The following ANTXR1 variants were observed in gnomAD, a reference collection of about 807,000 sequenced individuals.
The protein encoded by ANTXR1 is ANTXR cell adhesion molecule 1, also known as anthrax toxin receptor 1.
A neutral mutation model predicts 78.1 loss-of-function variants in ANTXR1; 19 were observed. The ratio of observed to expected loss-of-function variants is 0.24; its 90% CI spans 0.17 to 0.36. The LOEUF is 0.36. Ranked by LOEUF, ANTXR1 falls within the 10% of genes least tolerant of loss-of-function variation. The pLI, the probability that ANTXR1 is intolerant of heterozygous loss-of-function variation, is 1.00. For missense variants in ANTXR1, 518 were observed against 718.6 expected (o/e 0.72, Z 3.19); for synonymous variants, 273 against 260.5 (o/e 1.05, Z -0.46).
intron 8 of ANTXR1, among the ~76,000 whole-genome samples, chr2:69,087,482 T>A (rs1284533314): frequency 6.6e-6 from 1 of 152,206 alleles, no homozygotes; most frequent in Non-Finnish European, 1.5e-5. Flanking sequence ...GATACTGAAC[T>A]GCTTTCCAAA....
chr2:69,082,908 C>A (rs1035796801), intron 8 of ANTXR1, among the ~76,000 whole-genome samples: 6 of 152,204 alleles, frequency 3.9e-5, no homozygotes, highest in East Asian at 1.9e-4. Context: ...CAACAATAAA[C>A]AACAAGCATT....
At chr2:69,208,696 G>A (rs1674963186) in intron 17 of ANTXR1, among the ~76,000 whole-genome samples, 1 of 152,184 alleles carries the variant, frequency 6.6e-6, no homozygotes. Flanking sequence ...TGTGAGAAGG[G>A]GGAATGACAT....
intron 15 of ANTXR1, 128 bp downstream of exon 15, chr2:69,182,009 T>G: frequency 1.1e-6 from 1 of 898,582 alleles, no homozygotes. Context: ...TAGACCACAC[T>G]GATGACTCAA....
At chr2:69,158,657 G>C (rs1186860085) in intron 13 of ANTXR1, among the ~76,000 whole-genome samples, 1 of 152,180 alleles carries the variant, frequency 6.6e-6, no homozygotes, top group Non-Finnish European at 1.5e-5. Context: ...TTTCAGTATA[G>C]TATTCAATAA....
chr2:69,149,940 G>A (rs755230145), intron 12 of ANTXR1, among the ~76,000 whole-genome samples: 7 of 152,056 alleles, frequency 4.6e-5, no homozygotes, highest in Admixed American at 6.6e-5. Context: ...GCATCCCGTC[G>A]GCCATGGCAT....
Position 69,199,341 on chromosome 2 carries a change from C to T in ANTXR1, c.1434+5926C>T, listed in dbSNP as rs539679345. On this transcript the variant is annotated intron_variant, in intron 17 of 17. Transcript: ENST00000303714. ...AAAACCAGTAAGATAAGGAACCAAA[C>T]AAACTTCAGAGTACCTCTCACCCTG... is the stretch of plus-strand genomic sequence containing the variant. 3.9e-5 allele frequency among the ~76,000 whole-genome samples: 6 copies of T among 152,274 alleles called. No individual in the cohort carries two copies. The East Asian group carries it at 1.2e-3, about 29-fold the overall frequency.
At chr2:69,041,308 G>A (rs1669609679) in intron 2 of ANTXR1, among the ~76,000 whole-genome samples, 1 of 152,194 alleles carries the variant, frequency 6.6e-6, no homozygotes, top group Admixed American at 6.5e-5. Context: ...AAAACTCACT[G>A]CCTTTGAGGC....
chr2:69,110,545 C>A (rs981267954), intron 10 of ANTXR1, among the ~76,000 whole-genome samples: 1 of 151,974 alleles, frequency 6.6e-6, no homozygotes, highest in African/African-American at 2.4e-5. Context: ...AATAATATGG[C>A]AAAAATAAAT....
intron 8 of ANTXR1, among the ~76,000 whole-genome samples, chr2:69,079,358 GC>G (rs1276600049): frequency 6.6e-6 from 1 of 152,128 alleles, no homozygotes; most frequent in Admixed American, 6.6e-5. Flanking sequence ...TCCTTAAGAA[GC>G]TCAGAGGTGG....
rs887712567 is a variant in ANTXR1, at chr2:69,168,425, G to T, written c.1048-1823G>T. 2.0e-5 allele frequency among the ~76,000 whole-genome samples: 3 copies of T among 152,308 alleles called. No individual in the cohort carries two copies. The East Asian group carries it at 5.8e-4, about 29-fold the overall frequency. On this transcript the variant is annotated intron_variant, in intron 13 of 17. Transcript: ENST00000303714. ...AATCCTGACAGTCAGGAGAAGGCAG[G>T]TCTGGAATTCACATATAACATCTAT...
Position 69,075,505 on chromosome 2 carries a change from C to T in ANTXR1, c.493-85C>T, listed in dbSNP as rs1396101054. The T allele has an allele frequency of 1.1e-5, 14 of 1,281,806 alleles. No homozygotes were observed. The South Asian group carries it at 1.5e-4, about 14-fold the overall frequency. The allele number at this position is 1,281,806 out of a possible 1,614,324, so 79.4% of individuals were successfully genotyped here. A position where few individuals can be genotyped will look rare whatever the true frequency, so the allele number is the denominator to read the frequency against. On this transcript the variant is annotated intron_variant, in intron 6 of 17. Coordinates refer to ENST00000303714, the MANE Select transcript of ANTXR1 (RefSeq NM_032208.3). ...CATGGTAGGTGCTCATTAAATACCTCATCATTGAAGTTAGTCAGGTAGCTC... is the reference window on the plus strand; with the variant it reads ...CATGGTAGGTGCTCATTAAATACCTTATCATTGAAGTTAGTCAGGTAGCTC...
intron 12 of ANTXR1, chr2:69,135,084 A>G (rs762641510): frequency 2.3e-5 from 9 of 393,700 alleles, no homozygotes; most frequent in South Asian, 1.7e-4. Flanking sequence ...AATATTGTTT[A>G]TGAACTGAAA....
chr2:69,071,672 C>T, intron 4 of ANTXR1, 82 bp from the exon 5 acceptor site: 1 of 1,400,102 alleles, frequency 7.1e-7, no homozygotes, highest in South Asian at 1.2e-5. Context: ...GCATATTCAA[C>T]AACAGAGCCC....
At chr2:69,038,600 G>T (rs1393046932) in intron 1 of ANTXR1, among the ~76,000 whole-genome samples, 5 of 152,084 alleles carry the variant, frequency 3.3e-5, no homozygotes, top group Admixed American at 2.6e-4. Flanking sequence ...TTTTTTTAAA[G>T]AAATAAGAAT....
intron 12 of ANTXR1, among the ~76,000 whole-genome samples, chr2:69,150,456 A>G (rs1447178811): frequency 3.3e-5 from 5 of 152,188 alleles, no homozygotes; most frequent in African/African-American, 7.2e-5. Flanking sequence ...CTCTAACACC[A>G]AAGTGGGAAG....
chr2:69,071,608 G>A, intron 4 of ANTXR1, 146 bp from the exon 5 acceptor site: 2 of 785,764 alleles, frequency 2.5e-6, no homozygotes, highest in Non-Finnish European at 2.2e-6. Flanking sequence ...ATCAGCCACT[G>A]ATAATTGAGC....
intron 3 of ANTXR1, 135 bp from the exon 4 acceptor site, chr2:69,070,512 T>A (rs1670533493): frequency 2.5e-6 from 2 of 808,726 alleles, no homozygotes; most frequent in Non-Finnish European, 2.1e-6. Flanking sequence ...AGGCCTTCCC[T>A]TTGATAGGCT....
At position 69,033,306 on chromosome 2, in the gene ANTXR1, A is replaced by G. The variant is rs1484463319; in HGVS notation, c.153-6738A>G. Among the ~76,000 whole-genome samples the G allele has an allele frequency of 2.0e-5, 3 of 152,242 alleles. No homozygotes were observed. The East Asian group carries it at 5.8e-4, about 29-fold the overall frequency. On this transcript the variant is annotated intron_variant, in intron 1 of 17. Coordinates refer to ENST00000303714, the MANE Select transcript of ANTXR1 (RefSeq NM_032208.3). ...GGGAGGTATGGCTGTGACTTGAAAC[A>G]GTAATAGGAGGACAAAGCCTGAAGG... is the stretch of plus-strand genomic sequence containing the variant.
chr2:69,047,052 T>A (rs1325499778), intron 3 of ANTXR1, among the ~76,000 whole-genome samples: 3 of 152,170 alleles, frequency 2.0e-5, no homozygotes, highest in Non-Finnish European at 2.9e-5. Flanking sequence ...TTCAACCAAA[T>A]GCAGATCAAA....
Sources: allele counts gnomAD v4.1 joint callset (sites outside exome capture counted in the v4.1 genomes callset), GRCh38; gene constraint gnomAD v4.1.1; transcripts MANE v1.5; gene names NCBI Gene and HGNC (gene_info 2026-07-23, HGNC 2026-07-21).